Variants in STMN4 observed in about 807,000 individuals in gnomAD.
STMN4 encodes the protein stathmin 4.
Under a neutral mutation model 29.1 loss-of-function variants are expected in STMN4, and 12 were observed. That is an observed-to-expected ratio of 0.41 (90% CI 0.26 to 0.67). The LOEUF (loss-of-function observed/expected upper bound fraction) is 0.67. Ranked by LOEUF, STMN4 falls within the 30% of genes least tolerant of loss-of-function variation. The pLI, the probability that STMN4 is intolerant of heterozygous loss-of-function variation, is 0.30. For synonymous variants in STMN4, 114 were observed against 105.3 expected (o/e 1.08, Z -0.51); for missense variants, 181 against 262.8 (o/e 0.69, Z 2.15).
intron 1 of STMN4, among the ~76,000 whole-genome samples, chr8:27,258,129 G>A (rs1801996302): frequency 6.6e-6 from 1 of 152,100 alleles, no homozygotes; most frequent in Admixed American, 6.5e-5. Context: ...CTGAGCTCTG[G>A]AATAAAAGTG....
Position 27,236,566 on chromosome 8 carries a change from G to A in STMN4, c.*280C>T, listed in dbSNP as rs1206130303. 1.7e-5 allele frequency: 5 copies of A among 288,986 alleles called. No individual in the cohort carries two copies. Among genetic ancestry groups the A allele is most frequent in the Non-Finnish European group, 2.6e-5 (4 of 155,844 alleles). The allele number at this position is 288,986 out of a possible 1,614,324, so 17.9% of individuals were successfully genotyped here. A position where few individuals can be genotyped will look rare whatever the true frequency, so the allele number is the denominator to read the frequency against. ...GAGATGTGAAAATCAGATCTGCGCC[G>A]GGCAGGGTTGCAATGTCCTTGAGTT... is the stretch of plus-strand genomic sequence containing the variant. On this transcript the variant is annotated 3_prime_UTR_variant, in exon 7 of 7. Coordinates refer to ENST00000350889, the MANE Select transcript of STMN4 (RefSeq NM_030795.4).
intron 1 of STMN4, among the ~76,000 whole-genome samples, chr8:27,244,094 G>A (rs1410974063): frequency 6.6e-6 from 1 of 152,166 alleles, no homozygotes; most frequent in Non-Finnish European, 1.5e-5. Flanking sequence ...ATCAAGGGGT[G>A]CTCATCTGTC....
intron 1 of STMN4, among the ~76,000 whole-genome samples, chr8:27,244,403 TGTC>T (rs1192587492): frequency 1.3e-5 from 2 of 152,146 alleles, no homozygotes; most frequent in Non-Finnish European, 2.9e-5. Context: ...TAAGGAATCA[TGTC>T]GTCATCACAG....
chr8:27,250,742 C>T (rs986196568), intron 1 of STMN4, among the ~76,000 whole-genome samples: 1 of 152,186 alleles, frequency 6.6e-6, no homozygotes, highest in Non-Finnish European at 1.5e-5. Context: ...ACAAGGGCAA[C>T]TCCCAGAGGG....
intron 1 of STMN4, among the ~76,000 whole-genome samples, chr8:27,254,611 G>A (rs1162175357): frequency 6.6e-6 from 1 of 152,128 alleles, no homozygotes; most frequent in Non-Finnish European, 1.5e-5. Context: ...TGTAGGGGAT[G>A]GAGTGGGAGC....
At chr8:27,239,395 C>T in intron 6 of STMN4, 1 of 1,208,672 alleles carries the variant, frequency 8.3e-7, no homozygotes, top group Non-Finnish European at 1.1e-6. Context: ...CGGTATTCTG[C>T]TGACACACAG....
intron 1 of STMN4, among the ~76,000 whole-genome samples, chr8:27,249,614 C>G (rs1417556525): frequency 3.3e-5 from 5 of 152,188 alleles, no homozygotes; most frequent in Admixed American, 1.3e-4. Flanking sequence ...AAACACCATC[C>G]TGGATGAGAG....
chr8:27,243,366 C>T (rs570874982), intron 2 of STMN4, among the ~76,000 whole-genome samples: 6 of 152,258 alleles, frequency 3.9e-5, no homozygotes, highest in African/African-American at 1.4e-4. Flanking sequence ...TGCCACTATA[C>T]CTGGCTTCCT....
At chr8:27,237,862 T>C (rs1035123520) in intron 6 of STMN4, among the ~76,000 whole-genome samples, 7 of 152,210 alleles carry the variant, frequency 4.6e-5, no homozygotes, top group African/African-American at 1.7e-4. Context: ...AGTTCTCTAT[T>C]AGACGGTGAC....
intron 6 of STMN4, among the ~76,000 whole-genome samples, 175 bp from the exon 7 acceptor site, chr8:27,237,080 CA>C (rs1801331470): frequency 6.6e-6 from 1 of 152,190 alleles, no homozygotes. Context: ...TGGCAGGAGG[CA>C]GGGGGCAAGC....
In STMN4 at chr8:27,236,912, A is replaced by C. The variant is rs1801325564; in HGVS notation, c.592-7T>G. On this transcript the variant is annotated splice_polypyrimidine_tract_variant and splice_region_variant and intron_variant, in intron 6 of 6. Transcript: ENST00000350889. ...CCTCCTCGGCGTGCTTGTCCTGGAA[A>C]GGAAGGGAGGGAAAAGGGCAGGTCA... 1.2e-6 allele frequency: 2 copies of C among 1,606,404 alleles called. No homozygotes were observed. Among genetic ancestry groups the C allele is most frequent in the Non-Finnish European group, 1.7e-6 (2 of 1,176,740 alleles).
chr8:27,237,104 C>G (rs939344825), intron 6 of STMN4, among the ~76,000 whole-genome samples, 199 bp from the exon 7 acceptor site: 1 of 152,184 alleles, frequency 6.6e-6, no homozygotes, highest in Admixed American at 6.5e-5. Flanking sequence ...ACTGGTGCTG[C>G]CCCAGGGAGC....
rs1229599695 is a variant in STMN4 at position 27,236,196 on chromosome 8, G to C, written c.*650C>G. On this transcript the variant is annotated 3_prime_UTR_variant, in exon 7 of 7. Transcript: ENST00000350889. ...CAGATGCTTGAATGGCAGAATTAAGGAAGCAAAGGGGCATCTGCCATCAGA... is the reference window on the plus strand; with the variant it reads ...CAGATGCTTGAATGGCAGAATTAAGCAAGCAAAGGGGCATCTGCCATCAGA... The C allele has an allele frequency of 6.6e-6, 1 of 152,244 alleles. No individual in the cohort carries two copies. Among genetic ancestry groups the C allele is most frequent in the Non-Finnish European group, 1.5e-5 (1 of 68,044 alleles). 9.4% of individuals were successfully genotyped at this position (152,244 alleles called of 1,614,324 possible).
At chr8:27,242,583 G>T in intron 2 of STMN4, 91 bp from the exon 3 acceptor site, 1 of 1,331,268 alleles carries the variant, frequency 7.5e-7, no homozygotes, top group Non-Finnish European at 1.1e-6. Context: ...GCAGCCCAGG[G>T]TTCCATAAAG....
intron 6 of STMN4, chr8:27,239,145 C>T: frequency 1.4e-6 from 2 of 1,456,838 alleles, no homozygotes. Flanking sequence ...TGTGAAGAAA[C>T]CAGATCCTTC....
intron 6 of STMN4, among the ~76,000 whole-genome samples, chr8:27,238,997 C>T (rs1311310927): frequency 6.6e-6 from 1 of 152,248 alleles, no homozygotes. Flanking sequence ...CTGGAGAAGC[C>T]TGAGGGCCGA....
Position 27,240,093 on chromosome 8 carries a change from C to A in STMN4, c.469G>T (p.Ala157Ser). 6.2e-7 allele frequency: 1 copy of A among 1,614,178 alleles called. No individual in the cohort carries two copies. The highest frequency in any genetic ancestry group is 1.3e-5 in the African/African-American group (1 of 75,024). ...REHEREVIQK[A>S]IEENNNFIKM... Reference sequence around the variant, plus strand: ...ATGAAGTTGTTGTTTTCCTCAATGGCCTTTTGGATCACCTCTCTCTCATGT... The same window carrying A: ...ATGAAGTTGTTGTTTTCCTCAATGGACTTTTGGATCACCTCTCTCTCATGT... The change falls in exon 6 of 7, where the codon GCC (alanine) becomes TCC (serine). Residue 157 changes from alanine to serine, a missense_variant. Transcript: ENST00000350889.
At chr8:27,256,353 ATG>A (rs910901216) in intron 1 of STMN4, among the ~76,000 whole-genome samples, 1 of 152,186 alleles carries the variant, frequency 6.6e-6, no homozygotes, top group African/African-American at 2.4e-5. Context: ...ATTTTATGTT[ATG>A]TGTATTTACC....
chr8:27,255,856 G>A (rs1238969111), intron 1 of STMN4, among the ~76,000 whole-genome samples: 3 of 152,120 alleles, frequency 2.0e-5, no homozygotes, highest in Non-Finnish European at 2.9e-5. Flanking sequence ...AAAAATGCAG[G>A]ACACTTTCAC....
Sources: gnomAD v4.1 joint callset for allele counts (sites outside exome capture counted in the v4.1 genomes callset) on GRCh38, gnomAD v4.1.1 for gene constraint, MANE v1.5 for transcripts, NCBI Gene and HGNC (gene_info 2026-07-23, HGNC 2026-07-21) for gene names.